Variants in RASAL2 observed in about 807,000 individuals in gnomAD.
RASAL2 encodes the protein ras GTPase-activating protein nGAP.
A neutral mutation model predicts 128.9 loss-of-function variants in RASAL2; 58 were observed. The observed-to-expected ratio is 0.45, with a 90% CI of 0.36 to 0.56. The LOEUF (loss-of-function observed/expected upper bound fraction) is 0.56. Ranked by LOEUF, RASAL2 falls within the 20% of genes least tolerant of loss-of-function variation. The probability of loss-of-function intolerance (pLI) is 0.00; values close to 1 mark genes in which losing one functional copy is unlikely to be tolerated. For synonymous variants in RASAL2, 561 were observed against 580.8 expected (o/e 0.97, Z 0.49); for missense variants, 1,360 against 1,601.6 (o/e 0.85, Z 2.57).
chr1:178,398,606 A>T (rs1228714601), intron 4 of RASAL2, among the ~76,000 whole-genome samples: 2 of 152,210 alleles, frequency 1.3e-5, no homozygotes, highest in Non-Finnish European at 2.9e-5. Context: ...TCTTTCATTC[A>T]GTCCTCTGTA....
At chr1:178,378,084 C>A (rs1672088303) in intron 3 of RASAL2, among the ~76,000 whole-genome samples, 1 of 147,540 alleles carries the variant, frequency 6.8e-6, no homozygotes, top group African/African-American at 2.5e-5. Context: ...AAATAAAATC[C>A]AATTATATCA....
At chr1:178,133,790 T>C (rs925699558) in intron 1 of RASAL2, among the ~76,000 whole-genome samples, 3 of 152,204 alleles carry the variant, frequency 2.0e-5, no homozygotes, top group Non-Finnish European at 4.4e-5. Flanking sequence ...AGTGCCTCTC[T>C]TTCTTACTGT....
intron 1 of RASAL2, among the ~76,000 whole-genome samples, chr1:178,103,174 T>G (rs528466956): frequency 1.3e-5 from 2 of 152,294 alleles, no homozygotes; most frequent in East Asian, 3.9e-4. Context: ...TGAGATTGCT[T>G]CTTCTTTCTT....
At chr1:178,281,770 G>A (rs112859195) in intron 1 of RASAL2, among the ~76,000 whole-genome samples, 2 of 152,038 alleles carry the variant, frequency 1.3e-5, no homozygotes, top group Admixed American at 1.3e-4. Flanking sequence ...TGTTGAAGTC[G>A]TCTTGGTATT....
chr1:178,418,123 TG>T (rs1371325131), intron 4 of RASAL2, among the ~76,000 whole-genome samples: 1 of 152,092 alleles, frequency 6.6e-6, no homozygotes, highest in Non-Finnish European at 1.5e-5. Context: ...TTGAACAACA[TG>T]GGGGTTAGAG....
intron 1 of RASAL2, among the ~76,000 whole-genome samples, chr1:178,211,211 C>T (rs1172193582): frequency 2.6e-5 from 4 of 152,136 alleles, no homozygotes; most frequent in East Asian, 1.9e-4. Context: ...ACTTCTTCAC[C>T]ATCTGGTTAG....
At chr1:178,241,727 G>A (rs978369897) in intron 1 of RASAL2, among the ~76,000 whole-genome samples, 4 of 152,186 alleles carry the variant, frequency 2.6e-5, no homozygotes, top group Admixed American at 6.5e-5. Context: ...CAACTTATCA[G>A]TATATTATCT....
At chr1:178,427,919 A>G (rs1260393838) in intron 5 of RASAL2, among the ~76,000 whole-genome samples, 2 of 151,996 alleles carry the variant, frequency 1.3e-5, no homozygotes, top group East Asian at 3.9e-4. Context: ...TTATAGTCAT[A>G]CCCACCTCCC....
intron 1 of RASAL2, among the ~76,000 whole-genome samples, chr1:178,257,317 C>G (rs955651463): frequency 1.3e-5 from 2 of 152,000 alleles, no homozygotes; most frequent in Admixed American, 1.3e-4. Context: ...CCAGAATAGC[C>G]ACAACAATCA....
At chr1:178,283,453 C>T (rs1013348300) in intron 1 of RASAL2, 111 bp from the exon 2 acceptor site, 53 of 1,291,504 alleles carry the variant, frequency 4.1e-5, no homozygotes, top group African/African-American at 6.0e-5. Context: ...CATTGAGATT[C>T]GTGTTTAGGC....
intron 1 of RASAL2, among the ~76,000 whole-genome samples, chr1:178,278,269 A>C (rs775993275): frequency 1.3e-5 from 2 of 152,078 alleles, no homozygotes; most frequent in Non-Finnish European, 2.9e-5. Context: ...CTTACTGCAC[A>C]TGTGTTAGGG....
At chr1:178,105,823 C>CCA (rs1263205055) in intron 1 of RASAL2, among the ~76,000 whole-genome samples, 2 of 151,964 alleles carry the variant, frequency 1.3e-5, no homozygotes, top group African/African-American at 4.8e-5. Flanking sequence ...CAGGTGTGCA[C>CCA]CACTGCGCCC....
At chr1:178,453,548 G>A (rs1002257099) in intron 11 of RASAL2, among the ~76,000 whole-genome samples, 1 of 152,064 alleles carries the variant, frequency 6.6e-6, no homozygotes, top group Non-Finnish European at 1.5e-5. Context: ...AAGAAAATTA[G>A]GAGAAAACAG....
intron 1 of RASAL2, among the ~76,000 whole-genome samples, chr1:178,099,680 G>T (rs913304515): frequency 6.6e-6 from 1 of 152,242 alleles, no homozygotes; most frequent in Non-Finnish European, 1.5e-5. Context: ...AAGTGAATAG[G>T]CCGGGCGTGG....
chr1:178,292,977 C>T (rs1310425147), intron 2 of RASAL2, among the ~76,000 whole-genome samples: 1 of 152,110 alleles, frequency 6.6e-6, no homozygotes, highest in East Asian at 1.9e-4. Flanking sequence ...AGTGTTTACA[C>T]TCAGATATGT....
chr1:178,337,141 G>A (rs1333030108), intron 3 of RASAL2, among the ~76,000 whole-genome samples: 1 of 152,012 alleles, frequency 6.6e-6, no homozygotes, highest in East Asian at 1.9e-4. Context: ...AAGCTCTAAT[G>A]CTTAGCCAGA....
intron 1 of RASAL2, among the ~76,000 whole-genome samples, chr1:178,112,411 G>A (rs973444688): frequency 2.6e-5 from 4 of 151,944 alleles, no homozygotes; most frequent in Non-Finnish European, 4.4e-5. Flanking sequence ...TTAGCTGGGC[G>A]TGGTGGTGTG....
At chr1:178,357,422 CTA>C (rs141870336) in intron 3 of RASAL2, among the ~76,000 whole-genome samples, 207 of 150,298 alleles carry the variant, frequency 1.4e-3, no homozygotes, top group African/African-American at 4.8e-3. Context: ...AGCTAAATGT[CTA>C]TATGTCTTTT....
chr1:178,399,701 A>T (rs1301326643), intron 4 of RASAL2, among the ~76,000 whole-genome samples: 1 of 152,210 alleles, frequency 6.6e-6, no homozygotes, highest in African/African-American at 2.4e-5. Context: ...AAAGTTTCCT[A>T]ATTTATAATA....
Sources: gnomAD v4.1 joint callset for allele counts (sites outside exome capture counted in the v4.1 genomes callset) on GRCh38, gnomAD v4.1.1 for gene constraint, MANE v1.5 for transcripts, NCBI Gene and HGNC (gene_info 2026-07-23, HGNC 2026-07-21) for gene names.